Variants in NAALADL2 observed in about 807,000 individuals in gnomAD.
NAALADL2 encodes inactive N-acetylated-alpha-linked acidic dipeptidase-like protein 2.
Under a neutral mutation model 87.2 loss-of-function variants are expected in NAALADL2, and 76 were observed. That is an observed-to-expected ratio of 0.87 (90% CI 0.72 to 1.05). NAALADL2 has a LOEUF of 1.05. Among genes scored for constraint, NAALADL2 ranks in the 50% least tolerant of loss-of-function variants. The pLI is 0.00. For missense variants in NAALADL2, 1,089 were observed against 945.8 expected (o/e 1.15, Z -1.99); for synonymous variants, 354 against 331.0 (o/e 1.07, Z -0.75).
chr3:174,982,277 T>C (rs1745225073), intron 1 of NAALADL2, among the ~76,000 whole-genome samples: 1 of 152,134 alleles, frequency 6.6e-6, no homozygotes, highest in Admixed American at 6.5e-5. Flanking sequence ...TTGTGCTAGA[T>C]AGTTGGGAAC....
intron 2 of NAALADL2, among the ~76,000 whole-genome samples, chr3:174,616,763 A>G (rs1720500737): frequency 1.3e-5 from 2 of 151,860 alleles, no homozygotes; most frequent in Non-Finnish European, 3.0e-5. Context: ...TGATAGAAAA[A>G]GCGAATTCCA....
intron 11 of NAALADL2, among the ~76,000 whole-genome samples, chr3:175,681,213 T>G (rs1735548816): frequency 6.6e-6 from 1 of 152,230 alleles, no homozygotes; most frequent in Admixed American, 6.5e-5. Flanking sequence ...TTTAGTAATA[T>G]TCTATCACAC....
At chr3:175,666,247 A>G (rs1732976589) in intron 11 of NAALADL2, among the ~76,000 whole-genome samples, 1 of 152,276 alleles carries the variant, frequency 6.6e-6, no homozygotes, top group Non-Finnish European at 1.5e-5. Context: ...ACTATCTAGT[A>G]TAACTTCCCT....
At chr3:175,130,493 T>G (rs1161263398) in intron 2 of NAALADL2, among the ~76,000 whole-genome samples, 1 of 152,226 alleles carries the variant, frequency 6.6e-6, no homozygotes, top group Non-Finnish European at 1.5e-5. Flanking sequence ...CTCGAAGTTT[T>G]TAATCCACTT....
At chr3:175,751,267 A>C (rs1746594128) in intron 12 of NAALADL2, among the ~76,000 whole-genome samples, 1 of 152,092 alleles carries the variant, frequency 6.6e-6, no homozygotes, top group Non-Finnish European at 1.5e-5. Context: ...CCCATGGGGA[A>C]AAATGGCACC....
At chr3:175,430,758 T>A (rs1334805597) in intron 5 of NAALADL2, among the ~76,000 whole-genome samples, 1 of 152,034 alleles carries the variant, frequency 6.6e-6, no homozygotes, top group Non-Finnish European at 1.5e-5. Context: ...ATCTAAAAAG[T>A]CTGGACATTG....
intron 9 of NAALADL2, among the ~76,000 whole-genome samples, chr3:175,548,376 A>G (rs1183734581): frequency 6.6e-6 from 1 of 152,114 alleles, no homozygotes; most frequent in African/African-American, 2.4e-5. Context: ...CATAGAGGGG[A>G]ACAACACACA....
intron 1 of NAALADL2, among the ~76,000 whole-genome samples, chr3:174,960,211 GTCA>G (rs1741776233): frequency 6.6e-6 from 1 of 152,010 alleles, no homozygotes; most frequent in Admixed American, 6.6e-5. Flanking sequence ...AACTATTCCA[GTCA>G]TCATCATCCT....
At chr3:175,451,205 A>ACTGATACAAC (rs1581941866) in intron 6 of NAALADL2, among the ~76,000 whole-genome samples, 2 of 152,150 alleles carry the variant, frequency 1.3e-5, no homozygotes, top group African/African-American at 4.8e-5. Flanking sequence ...CTTGCAACTA[A>ACTGATACAAC]AAGCTATCTA....
chr3:175,248,796 A>G (rs764230586), intron 3 of NAALADL2, among the ~76,000 whole-genome samples: 2 of 152,150 alleles, frequency 1.3e-5, no homozygotes, highest in Non-Finnish European at 2.9e-5. Flanking sequence ...ATATAGTATT[A>G]TTATATGATT....
intron 11 of NAALADL2, among the ~76,000 whole-genome samples, chr3:175,707,792 C>A (rs1436686239): frequency 6.6e-6 from 1 of 151,934 alleles, no homozygotes; most frequent in Non-Finnish European, 1.5e-5. Context: ...TAGATCTTGA[C>A]CCTGCCCAGA....
intron 1 of NAALADL2, among the ~76,000 whole-genome samples, chr3:174,986,033 A>G (rs922410948): frequency 6.6e-6 from 1 of 152,050 alleles, no homozygotes; most frequent in African/African-American, 2.4e-5. Context: ...TGACGATGAC[A>G]TCTATAAGTT....
intron 1 of NAALADL2, among the ~76,000 whole-genome samples, chr3:175,080,853 C>T (rs1268040191): frequency 6.6e-6 from 1 of 152,140 alleles, no homozygotes; most frequent in African/African-American, 2.4e-5. Flanking sequence ...AACCACTTAA[C>T]TATGTTGTGT....
intron 13 of NAALADL2, among the ~76,000 whole-genome samples, chr3:175,792,021 TA>T (rs570310197): frequency 2.0e-5 from 3 of 150,992 alleles, no homozygotes; most frequent in Non-Finnish European, 3.0e-5. Flanking sequence ...TACTTGCATT[TA>T]AAAAAAAATA....
intron 2 of NAALADL2, among the ~76,000 whole-genome samples, chr3:175,126,073 TG>T (rs943094941): frequency 2.6e-5 from 4 of 152,098 alleles, no homozygotes; most frequent in African/African-American, 9.7e-5. Context: ...CAATGAGATC[TG>T]GCAATTGACT....
At chr3:175,522,899 A>G (rs922087368) in intron 9 of NAALADL2, among the ~76,000 whole-genome samples, 2 of 152,170 alleles carry the variant, frequency 1.3e-5, no homozygotes, top group Non-Finnish European at 2.9e-5. Flanking sequence ...AAATCATCCA[A>G]CTGTATATAA....
intron 5 of NAALADL2, among the ~76,000 whole-genome samples, chr3:175,423,051 A>ATATATATATATATATATATTTTTT (rs1458599872): frequency 1.1e-5 from 1 of 91,510 alleles, no homozygotes; most frequent in African/African-American, 4.2e-5. Context: ...ATATATATAT[A>ATATATATATATATATATATTTTTT]TTTTTTTTTT....
intron 2 of NAALADL2, among the ~76,000 whole-genome samples, chr3:175,100,727 G>A (rs9816616): frequency 0.22 from 32,954 of 151,118 alleles, 4,865 homozygotes; most frequent in African/African-American, 0.42. Flanking sequence ...AATCCCAGTT[G>A]CTTGGGAGGC....
intron 2 of NAALADL2, among the ~76,000 whole-genome samples, chr3:174,703,973 C>T (rs965653299): frequency 6.6e-6 from 1 of 152,146 alleles, no homozygotes; most frequent in African/African-American, 2.4e-5. Flanking sequence ...ACCTTACAAA[C>T]TTGCTGGAGA....
Sources: gnomAD v4.1 joint callset for allele counts (sites outside exome capture counted in the v4.1 genomes callset) on GRCh38, gnomAD v4.1.1 for gene constraint, MANE v1.5 for transcripts, NCBI Gene and HGNC (gene_info 2026-07-23, HGNC 2026-07-21) for gene names.